CEP170B: variants seen among roughly 807,000 people sequenced by gnomAD.
CEP170B encodes centrosomal protein 170B.
In CEP170B, 55 loss-of-function variants were observed where a neutral mutation model predicts 120.6. That is an observed-to-expected ratio of 0.46 (90% CI 0.37 to 0.57). The LOEUF (loss-of-function observed/expected upper bound fraction) is 0.57. Among genes scored for constraint, CEP170B ranks in the 20% least tolerant of loss-of-function variants. The pLI is 0.00. For synonymous variants in CEP170B, 1,033 were observed against 954.5 expected (o/e 1.08, Z -1.52); for missense variants, 2,212 against 2,253.3 (o/e 0.98, Z 0.37).
Position 104,865,801 on chromosome 14 carries a change from C to A in CEP170B, c.-28+288C>A, listed in dbSNP as rs1351214130. Among the ~76,000 whole-genome samples the A allele has an allele frequency of 6.6e-6, 1 of 152,136 alleles. No homozygotes were observed. Among genetic ancestry groups the A allele is most frequent in the African/African-American group, 2.4e-5 (1 of 41,462 alleles). On this transcript the variant is annotated intron_variant, in intron 1 of 18. Coordinates refer to ENST00000414716, the MANE Select transcript of CEP170B (RefSeq NM_001112726.3). This position sits in a 1 kb window ranked among gnomAD's most constrained non-coding sequence, Gnocchi z 6.7. ...GGCACCGGCTCGGCCATGGCCGCCCCCGGAGAGCGCTGATTCAGAAGGCGC... is the reference window on the plus strand; with the variant it reads ...GGCACCGGCTCGGCCATGGCCGCCCACGGAGAGCGCTGATTCAGAAGGCGC...
At chr14:104,893,901 T>TGGG (rs1896970118) in intron 16 of CEP170B, 52 bp downstream of exon 16, 1 of 1,522,668 alleles carries the variant, frequency 6.6e-7, no homozygotes, top group African/African-American at 1.4e-5. Context: ...CACAGCTGCA[T>TGGG]GAGCTGAGAC....
intron 5 of CEP170B, among the ~76,000 whole-genome samples, chr14:104,879,927 GT>G (rs2140671957): frequency 6.6e-6 from 1 of 152,260 alleles, no homozygotes; most frequent in Non-Finnish European, 1.5e-5. Flanking sequence ...GCAGCCTGGG[GT>G]CCCCCAGCCT....
chr14:104,877,833 G>GCCCCC, intron 3 of CEP170B, 52 bp from the exon 4 acceptor site: 23 of 359,760 alleles, frequency 6.4e-5, no homozygotes, highest in Admixed American at 1.2e-4. Flanking sequence ...CCTGCCCACA[G>GCCCCC]CCACCCACCC....
intron 2 of CEP170B, among the ~76,000 whole-genome samples, chr14:104,873,728 C>T (rs1219922706): frequency 6.6e-6 from 1 of 152,078 alleles, no homozygotes; most frequent in Non-Finnish European, 1.5e-5. Flanking sequence ...AGATGACATC[C>T]AAGTCACCCG....
chr14:104,890,597 AG>A (rs1896788736), intron 13 of CEP170B, among the ~76,000 whole-genome samples: 1 of 41,398 alleles, frequency 2.4e-5, no homozygotes. Context: ...TGGGTGAGTG[AG>A]TGGGTGGATG....
intron 16 of CEP170B, 87 bp from the exon 17 acceptor site, chr14:104,894,198 T>C: frequency 9.2e-7 from 1 of 1,084,830 alleles, no homozygotes; most frequent in African/African-American, 1.5e-5. Flanking sequence ...AACTTCACCA[T>C]GGCAGAGGAG....
rs1206776420 is a variant in CEP170B, at chr14:104,876,377, A to G, written c.195+32A>G. On this transcript the variant is annotated intron_variant, in intron 3 of 18. Coordinates refer to ENST00000414716, the MANE Select transcript of CEP170B (RefSeq NM_001112726.3). ...GTGAGAGGCCCTGGCCTGGCCTTTTAACAGCTCGACCCTTCAGCCCTGGCC... is the reference window on the plus strand; with the variant it reads ...GTGAGAGGCCCTGGCCTGGCCTTTTGACAGCTCGACCCTTCAGCCCTGGCC... 7 of 1,544,852 alleles carry G rather than the reference A, an allele frequency of 4.5e-6. No homozygotes were observed. In the East Asian group the frequency reaches 1.7e-4, roughly 38 times the overall value.
chr14:104,894,260 T>G, intron 16 of CEP170B, 25 bp from the exon 17 acceptor site: 1 of 1,560,842 alleles, frequency 6.4e-7, no homozygotes, highest in Non-Finnish European at 8.8e-7. Context: ...GTCCCCCCAT[T>G]TCTGCCTCCC....
chr14:104,886,892 C>A lies in CEP170B; in HGVS notation c.2653C>A (p.His885Asn), dbSNP rs761105172. The change falls in exon 12 of 19, where the codon CAC (histidine) becomes AAC (asparagine). Residue 885 changes from histidine to asparagine, a missense_variant. His to Asn is a moderately conservative substitution (Grantham distance 68). Transcript: ENST00000414716. ...TCCCCCAGCGCCCGGCAAGCCCCCC[C>A]ACATCTCCAGCCACCCGCTTCTACA... is the stretch of plus-strand genomic sequence containing the variant. ...SGPPAPGKPP[H>N]ISSHPLLQDL... The A allele has an allele frequency of 1.4e-5, 23 of 1,610,420 alleles. No homozygotes were observed. Among genetic ancestry groups the A allele is most frequent in the African/African-American group, 4.0e-5 (3 of 74,940 alleles).
chr14:104,894,233 C>G, intron 16 of CEP170B, 52 bp from the exon 17 acceptor site: 1 of 1,376,102 alleles, frequency 7.3e-7, no homozygotes. Flanking sequence ...TGCCTCAGCT[C>G]TGTCATCTCT....
chr14:104,882,868 G>T, intron 7 of CEP170B, 36 bp downstream of exon 7: 1 of 1,590,842 alleles, frequency 6.3e-7, no homozygotes, highest in Admixed American at 1.7e-5. Flanking sequence ...GACCCTGAGG[G>T]CTCCCAGAGG....
chr14:104,883,094 G>T lies in CEP170B; in HGVS notation c.637G>T (p.Glu213Ter). ...GCTCCACGGCTTCCGCGCCCCTGCT[G>T]AGCCTCAGGGCTGCTCGTTCCGGCG... The part of the protein sequence containing the change: ...GELHGFRAPA[E>*]PQGCSFRREP... The change falls in exon 8 of 19, where the codon GAG (glutamate) becomes TAG (stop). Residue 213 changes from glutamate (E) to a stop codon, truncating the protein, a stop_gained. Coordinates refer to ENST00000414716, the MANE Select transcript of CEP170B (RefSeq NM_001112726.3). LOFTEE classifies it high-confidence loss of function. The T allele has an allele frequency of 1.3e-6, 2 of 1,578,262 alleles. No homozygotes were observed. The highest frequency in any genetic ancestry group is 1.7e-6 in the Non-Finnish European group (2 of 1,165,262).
At chr14:104,893,372 C>T (rs1896941499) in intron 14 of CEP170B, 151 bp from the exon 15 acceptor site, 1 of 1,111,844 alleles carries the variant, frequency 9.0e-7, no homozygotes, top group Non-Finnish European at 1.3e-6. Context: ...GCCCAGCTGC[C>T]TCCATGGCGG....
rs1484783051 is a variant in CEP170B at position 104,883,907 on chromosome 14, C to A, written c.1128C>A (p.Pro376=). ...LAKAASAAGV[P]LEASGEQVRL... ...AGGCGGCCTCGGCCGCTGGGGTGCC[C>A]TTGGAGGCCAGCGGGGAGCAGGTGC... The change falls in exon 9 of 19, where the codon CCC becomes CCA. Residue 376 remains proline (P), a synonymous_variant. Transcript: ENST00000414716. The A allele has an allele frequency of 6.3e-7, 1 of 1,593,022 alleles. No individual in the cohort carries two copies. Among genetic ancestry groups the A allele is most frequent in the Non-Finnish European group, 8.5e-7 (1 of 1,170,306 alleles).
chr14:104,873,415 C>T (rs1895679214), intron 2 of CEP170B, among the ~76,000 whole-genome samples: 1 of 151,930 alleles, frequency 6.6e-6, no homozygotes, highest in Non-Finnish European at 1.5e-5. Flanking sequence ...TGAAGCCTGA[C>T]TGTGGCCTGG....
intron 12 of CEP170B, among the ~76,000 whole-genome samples, chr14:104,888,384 T>A (rs1208137199): frequency 1.3e-5 from 2 of 152,172 alleles, no homozygotes; most frequent in Non-Finnish European, 2.9e-5. Flanking sequence ...GTCCCATGGA[T>A]CTCTGCCGCA....
chr14:104,878,602 G>A (rs1895983631), intron 5 of CEP170B, 101 bp downstream of exon 5: 1 of 1,316,088 alleles, frequency 7.6e-7, no homozygotes, highest in East Asian at 2.3e-5. Context: ...CACTCACCAG[G>A]CCTCTGGGGC....
intron 5 of CEP170B, among the ~76,000 whole-genome samples, 174 bp downstream of exon 5, chr14:104,878,675 A>G (rs962302569): frequency 2.0e-5 from 3 of 152,188 alleles, no homozygotes; most frequent in Non-Finnish European, 2.9e-5. Context: ...CAGATGGCCC[A>G]GTCCGGCAGG....
chr14:104,895,082 T>G lies in CEP170B; in HGVS notation c.*124T>G. ...GACCCCCACATGTGCCATATCCCTG[T>G]GGGCGGGTGCCTCCCACGCCCTTGC... On this transcript the variant is annotated 3_prime_UTR_variant, in exon 19 of 19. Coordinates refer to ENST00000414716, the MANE Select transcript of CEP170B (RefSeq NM_001112726.3). The G allele has an allele frequency of 3.4e-6, 4 of 1,171,242 alleles. No individual in the cohort carries two copies. The highest frequency in any genetic ancestry group is 3.5e-6 in the Non-Finnish European group (3 of 860,244). 72.6% of individuals were successfully genotyped at this position (1,171,242 alleles called of 1,614,324 possible). A position where few individuals can be genotyped will look rare whatever the true frequency, so the allele number is the denominator to read the frequency against.
Sources: allele counts gnomAD v4.1 joint callset (sites outside exome capture counted in the v4.1 genomes callset), GRCh38; gene constraint gnomAD v4.1.1; non-coding constraint Gnocchi (gnomAD v3.1); transcripts MANE v1.5; gene names NCBI Gene and HGNC (gene_info 2026-07-23, HGNC 2026-07-21).